The following TAMM41 variants were observed in gnomAD, a reference collection of about 807,000 sequenced individuals.
TAMM41 encodes the protein phosphatidate cytidylyltransferase, mitochondrial.
TAMM41 carries 36 observed loss-of-function variants against 44.1 expected under a neutral mutation model. The observed-to-expected ratio is 0.82, with a 90% confidence interval of 0.63 to 1.08. The LOEUF (loss-of-function observed/expected upper bound fraction) is 1.08. Ranked by LOEUF, TAMM41 falls within the 50% of genes least tolerant of loss-of-function variation. The probability of loss-of-function intolerance (pLI) is 0.00; values close to 1 mark genes in which losing one functional copy is unlikely to be tolerated. For missense variants in TAMM41, 417 were observed against 404.3 expected (o/e 1.03, Z -0.27); for synonymous variants, 164 against 153.1 (o/e 1.07, Z -0.53).
chr3:11,807,068 A>C (rs1465534422), intron 7 of TAMM41: 1 of 682,478 alleles, frequency 1.5e-6, no homozygotes, highest in Non-Finnish European at 1.8e-6. Context: ...CCTTCTCAGG[A>C]AATTACTGGA....
chr3:11,744,394 G>A, the TAMM41 span, among the ~76,000 whole-genome samples: 5 of 151,718 alleles, frequency 3.3e-5, no homozygotes, highest in African/African-American at 9.7e-5. Context: ...AGAGAAGCAC[G>A]GTTTAAAAGT....
At chr3:11,794,605 G>T (rs2077561554) in intron 7 of TAMM41, among the ~76,000 whole-genome samples, 1 of 152,182 alleles carries the variant, frequency 6.6e-6, no homozygotes, top group Admixed American at 6.5e-5. Context: ...CTAAAGTCAG[G>T]ATTTTGTTTT....
At chr3:11,769,072 C>G in the TAMM41 span, among the ~76,000 whole-genome samples, 1 of 152,030 alleles carries the variant, frequency 6.6e-6, no homozygotes, top group Admixed American at 6.6e-5. Context: ...AGGGAGTGGA[C>G]CACGTCATGA....
intron 4 of TAMM41, among the ~76,000 whole-genome samples, chr3:11,828,052 A>G (rs1354219637): frequency 1.3e-5 from 2 of 152,226 alleles, no homozygotes; most frequent in Non-Finnish European, 2.9e-5. Flanking sequence ...GACAATATGA[A>G]TTTTGGCATA....
the TAMM41 span, among the ~76,000 whole-genome samples, chr3:11,776,563 G>A: frequency 2.6e-5 from 4 of 152,128 alleles, no homozygotes; most frequent in Non-Finnish European, 4.4e-5. Context: ...TTGTGGCCTC[G>A]GAGCAGTAGG....
chr3:11,844,236 A>AT, intron 1 of TAMM41, 25 bp from the exon 2 acceptor site: 1 of 1,605,720 alleles, frequency 6.2e-7, no homozygotes, highest in South Asian at 1.1e-5. Flanking sequence ...AAAGAGAATA[A>AT]TTTCAGTATT....
At chr3:11,771,888 ATTTATT>A in the TAMM41 span, among the ~76,000 whole-genome samples, 5 of 151,484 alleles carry the variant, frequency 3.3e-5, no homozygotes, top group African/African-American at 7.3e-5. Flanking sequence ...CGGCCTGTTT[ATTTATT>A]TTTAATTTTA....
chr3:11,775,704 C>T, the TAMM41 span, among the ~76,000 whole-genome samples: 7 of 152,308 alleles, frequency 4.6e-5, no homozygotes, highest in African/African-American at 1.7e-4. Context: ...ATGGAAACAA[C>T]CTAAGCGTCT....
intron 2 of TAMM41, among the ~76,000 whole-genome samples, chr3:11,842,276 C>T (rs1168041351): frequency 1.3e-5 from 2 of 151,956 alleles, no homozygotes; most frequent in Non-Finnish European, 1.5e-5. Flanking sequence ...GCTCTGTAAT[C>T]CCAGCTACTC....
intron 3 of TAMM41, among the ~76,000 whole-genome samples, chr3:11,834,176 C>T (rs889376788): frequency 6.6e-6 from 1 of 151,816 alleles, no homozygotes. Flanking sequence ...CCCGGGAGGT[C>T]GAGTAAATTG....
the TAMM41 span, among the ~76,000 whole-genome samples, chr3:11,739,141 C>A: frequency 6.6e-6 from 1 of 152,212 alleles, no homozygotes. Context: ...TCTCTTTGAA[C>A]CCTTCCCTGA....
At chr3:11,820,080 C>T (rs1216934452) in intron 4 of TAMM41, among the ~76,000 whole-genome samples, 1 of 152,102 alleles carries the variant, frequency 6.6e-6, no homozygotes, top group Non-Finnish European at 1.5e-5. Context: ...TACTTTCTAG[C>T]ATTTTAAAAC....
intron 2 of TAMM41, chr3:11,843,711 C>T (rs765898489): frequency 9.4e-5 from 21 of 222,466 alleles, no homozygotes; most frequent in African/African-American, 3.4e-4. Flanking sequence ...AGCAAAACTC[C>T]GTCTCAAAAA....
At chr3:11,840,432 A>G (rs925397376) in intron 2 of TAMM41, among the ~76,000 whole-genome samples, 2 of 151,868 alleles carry the variant, frequency 1.3e-5, no homozygotes, top group African/African-American at 4.8e-5. Flanking sequence ...ACAGGATTTC[A>G]TCCTGTTGGC....
At chr3:11,818,720 T>A (rs549343009) in intron 4 of TAMM41, among the ~76,000 whole-genome samples, 1 of 151,928 alleles carries the variant, frequency 6.6e-6, no homozygotes, top group Non-Finnish European at 1.5e-5. Context: ...CACAGTGAAA[T>A]CCCGTCTCTA....
intron 2 of TAMM41, among the ~76,000 whole-genome samples, chr3:11,840,264 ACT>A (rs2079375926): frequency 6.8e-6 from 1 of 147,870 alleles, no homozygotes; most frequent in Non-Finnish European, 1.5e-5. Context: ...ATGGAGTCTC[ACT>A]CTGTCACCCA....
chr3:11,726,790 G>A, the TAMM41 span, among the ~76,000 whole-genome samples: 4 of 140,362 alleles, frequency 2.8e-5, no homozygotes, highest in South Asian at 4.4e-4. Context: ...CAGCCTGGGC[G>A]ACTCTGTCTC....
chr3:11,816,160 C>T (rs1209769635), intron 5 of TAMM41, among the ~76,000 whole-genome samples: 1 of 150,658 alleles, frequency 6.6e-6, no homozygotes, highest in Admixed American at 6.6e-5. Context: ...GTTGCCCCTA[C>T]TATGTGGATG....
chr3:11,777,651 G>A, the TAMM41 span, among the ~76,000 whole-genome samples: 2 of 152,072 alleles, frequency 1.3e-5, no homozygotes, highest in Non-Finnish European at 2.9e-5. Context: ...AAAATTAGCC[G>A]GGTGTGGCAG....
Sources: allele counts gnomAD v4.1 joint callset (sites outside exome capture counted in the v4.1 genomes callset), GRCh38; gene constraint gnomAD v4.1.1; transcripts MANE v1.5; gene names NCBI Gene and HGNC (gene_info 2026-07-23, HGNC 2026-07-21).